NDST4: variants seen among roughly 807,000 people sequenced by gnomAD.
The protein encoded by NDST4 is N-heparan sulfate sulfotransferase 4.
A neutral mutation model predicts 100.8 loss-of-function variants in NDST4; 63 were observed. That is an observed-to-expected ratio of 0.62 (90% CI 0.51 to 0.77). The LOEUF (loss-of-function observed/expected upper bound fraction) is 0.77. Ranked by LOEUF, NDST4 falls within the 30% of genes least tolerant of loss-of-function variation. NDST4 has a pLI of 0.00. For synonymous variants in NDST4, 377 were observed against 361.8 expected, an observed-to-expected ratio of 1.04 and a Z score of -0.48; for missense variants, 943 against 1,018.4, an observed-to-expected ratio of 0.93 and a Z score of 1.01.
chr4:114,937,301 T>C lies in NDST4; in HGVS notation c.1407+17A>G, dbSNP rs1725650257. The C allele has an allele frequency of 2.5e-6, 4 of 1,613,556 alleles. No homozygotes were observed. The highest frequency in any genetic ancestry group is 1.3e-5 in the African/African-American group (1 of 74,908). Reference sequence around the variant, plus strand: ...AAATATTAACATCCTTCAATATACATGGCTCTCTGTGCTCACCATGATGCT... The same window carrying C: ...AAATATTAACATCCTTCAATATACACGGCTCTCTGTGCTCACCATGATGCT... On this transcript the variant is annotated intron_variant, in intron 5 of 13. Coordinates refer to ENST00000264363, the MANE Select transcript of NDST4 (RefSeq NM_022569.3).
At chr4:114,873,340 C>A (rs72679794) in intron 6 of NDST4, among the ~76,000 whole-genome samples, 11,689 of 151,526 alleles carry the variant, frequency 0.077, 528 homozygotes, top group East Asian at 0.13. Flanking sequence ...TAAAGTTAAA[C>A]CTCTAAATAT....
chr4:114,949,469 A>G (rs1361556958), intron 4 of NDST4, among the ~76,000 whole-genome samples: 1 of 152,028 alleles, frequency 6.6e-6, no homozygotes, highest in Non-Finnish European at 1.5e-5. Context: ...CTCTCGTGTA[A>G]TGGGGAACCT....
chr4:114,855,369 T>A (rs1172034083), intron 7 of NDST4, among the ~76,000 whole-genome samples: 1 of 152,132 alleles, frequency 6.6e-6, no homozygotes, highest in Non-Finnish European at 1.5e-5. Context: ...TCTTGGGGAG[T>A]TTCTCCAATG....
chr4:114,911,091 C>T (rs1285359533), intron 6 of NDST4, among the ~76,000 whole-genome samples: 1 of 152,154 alleles, frequency 6.6e-6, no homozygotes, highest in Non-Finnish European at 1.5e-5. Context: ...AAAAACCTTC[C>T]AGTGGCTCAC....
At chr4:114,843,342 G>A (rs928712214) in intron 10 of NDST4, among the ~76,000 whole-genome samples, 4 of 152,014 alleles carry the variant, frequency 2.6e-5, no homozygotes, top group South Asian at 2.1e-4. Flanking sequence ...CTGTATCTCC[G>A]CGGAGTTGGT....
chr4:115,016,654 A>ACT (rs1470213752), intron 2 of NDST4, among the ~76,000 whole-genome samples: 1 of 151,966 alleles, frequency 6.6e-6, no homozygotes. Flanking sequence ...ATTGGATAGT[A>ACT]CTCCACAATG....
At chr4:114,917,407 C>T (rs1358472389) in intron 6 of NDST4, among the ~76,000 whole-genome samples, 1 of 152,096 alleles carries the variant, frequency 6.6e-6, no homozygotes, top group Non-Finnish European at 1.5e-5. Flanking sequence ...AAATTCCTAT[C>T]CCTCAAAAAG....
chr4:114,937,968 G>A (rs192618960), intron 4 of NDST4, among the ~76,000 whole-genome samples: 68 of 152,244 alleles, frequency 4.5e-4, no homozygotes, highest in African/African-American at 1.6e-3. Flanking sequence ...TAAACTGAAA[G>A]ATTTTGAATT....
intron 2 of NDST4, among the ~76,000 whole-genome samples, chr4:115,026,160 A>C (rs1326462302): frequency 6.6e-6 from 1 of 152,016 alleles, no homozygotes; most frequent in Admixed American, 6.6e-5. Context: ...CCTTAAGTTA[A>C]TTTTCTATAG....
At chr4:114,930,855 A>G (rs1323722034) in intron 6 of NDST4, among the ~76,000 whole-genome samples, 8 of 152,108 alleles carry the variant, frequency 5.3e-5, no homozygotes, top group Admixed American at 5.2e-4. Context: ...TCTATTTATA[A>G]CAGAAAATAA....
chr4:114,895,132 A>G (rs1264892710), intron 6 of NDST4, among the ~76,000 whole-genome samples: 3 of 152,164 alleles, frequency 2.0e-5, no homozygotes, highest in Non-Finnish European at 1.5e-5. Context: ...GAAATAACTA[A>G]GATCAGAGAA....
chr4:115,074,158 C>T (rs1326800766), intron 2 of NDST4, among the ~76,000 whole-genome samples: 1 of 151,842 alleles, frequency 6.6e-6, no homozygotes, highest in African/African-American at 2.4e-5. Flanking sequence ...TGTGACATTG[C>T]TCAAGCCTTT....
chr4:114,982,520 A>T (rs1436787627), intron 2 of NDST4, among the ~76,000 whole-genome samples: 3 of 152,224 alleles, frequency 2.0e-5, no homozygotes, highest in African/African-American at 7.2e-5. Context: ...AAAGTGTTGA[A>T]GATATGGCCT....
chr4:114,893,302 T>A lies in NDST4; in HGVS notation c.1537-22352A>T, dbSNP rs539544461. Among the ~76,000 whole-genome samples the A allele has an allele frequency of 2.6e-5, 4 of 152,304 alleles. No homozygotes were observed. The East Asian group carries it at 7.7e-4, about 29-fold the overall frequency. On this transcript the variant is annotated intron_variant, in intron 6 of 13. Coordinates refer to ENST00000264363, the MANE Select transcript of NDST4 (RefSeq NM_022569.3). Reference sequence around the variant, plus strand: ...GTCAAATGGTATTTCTGGTTCTAGATCCTTGAGGAATCGCCATACTGTCTT... The same window carrying A: ...GTCAAATGGTATTTCTGGTTCTAGAACCTTGAGGAATCGCCATACTGTCTT...
At position 114,973,534 on chromosome 4, in the gene NDST4, A is replaced by AT. The variant is rs757435632; in HGVS notation, c.1067-2951dup. 6.2e-4 allele frequency among the ~76,000 whole-genome samples: 93 copies of AT among 150,204 alleles called. No homozygotes were observed. In the East Asian group the frequency reaches 0.014, roughly 23 times the overall value. ...AAAAATACATTTTGCACTTATTAAA[A>AT]TTTTTTTTTTACATTTCCTAATTAC... On this transcript the variant is annotated intron_variant, in intron 3 of 13. Transcript: ENST00000264363.
intron 4 of NDST4, among the ~76,000 whole-genome samples, chr4:114,950,258 C>A (rs1334635057): frequency 6.6e-6 from 1 of 151,944 alleles, no homozygotes; most frequent in Non-Finnish European, 1.5e-5. Context: ...TTTCTTTCTT[C>A]AACATTTTAT....
chr4:114,875,222 T>G (rs1724232036), intron 6 of NDST4, among the ~76,000 whole-genome samples: 1 of 152,206 alleles, frequency 6.6e-6, no homozygotes, highest in South Asian at 2.1e-4. Flanking sequence ...TTTATCTTGT[T>G]GTTGGCACTT....
chr4:114,836,908 C>A (rs1294532677), intron 11 of NDST4, among the ~76,000 whole-genome samples: 1 of 152,134 alleles, frequency 6.6e-6, no homozygotes, highest in East Asian at 1.9e-4. Context: ...TTGATCGATT[C>A]GGCTATTGAT....
At chr4:115,012,017 G>A (rs1727558150) in intron 2 of NDST4, among the ~76,000 whole-genome samples, 1 of 151,792 alleles carries the variant, frequency 6.6e-6, no homozygotes, top group Non-Finnish European at 1.5e-5. Flanking sequence ...CGTGTGATAG[G>A]AGTAAAGTGA....
Sources: gnomAD v4.1 joint callset for allele counts (sites outside exome capture counted in the v4.1 genomes callset) on GRCh38, gnomAD v4.1.1 for gene constraint, MANE v1.5 for transcripts, NCBI Gene and HGNC (gene_info 2026-07-23, HGNC 2026-07-21) for gene names.